Variants in RASAL2 observed in about 807,000 individuals in gnomAD.
RASAL2 encodes RAS protein activator like 2, also known as ras GTPase-activating protein nGAP.
Under a neutral mutation model 128.9 loss-of-function variants are expected in RASAL2, and 58 were observed. The observed-to-expected ratio is 0.45, with a 90% CI of 0.36 to 0.56. The LOEUF is 0.56. Ranked by LOEUF, RASAL2 falls within the 20% of genes least tolerant of loss-of-function variation. The pLI, the probability that RASAL2 is intolerant of heterozygous loss-of-function variation, is 0.00. For missense variants in RASAL2, 1,360 were observed against 1,601.6 expected (o/e 0.85, Z 2.57); for synonymous variants, 561 against 580.8 (o/e 0.97, Z 0.49).
chr1:178,402,149 C>T (rs1673667000), intron 4 of RASAL2, among the ~76,000 whole-genome samples: 2 of 152,174 alleles, frequency 1.3e-5, no homozygotes, highest in South Asian at 2.1e-4. Flanking sequence ...GGTGTGTTGG[C>T]TCACGCCTGT....
At chr1:178,309,913 G>GT (rs66468554) in intron 3 of RASAL2, among the ~76,000 whole-genome samples, 37,807 of 152,046 alleles carry the variant, frequency 0.25, 7,403 homozygotes, top group African/African-American at 0.55. Context: ...CAACAGGCAT[G>GT]TTGGGTGTGG....
intron 3 of RASAL2, among the ~76,000 whole-genome samples, chr1:178,367,746 A>G (rs1671478683): frequency 6.6e-6 from 1 of 152,260 alleles, no homozygotes; most frequent in Non-Finnish European, 1.5e-5. Context: ...GAAGGAAAGC[A>G]GTAATTTCTG....
intron 17 of RASAL2, among the ~76,000 whole-genome samples, chr1:178,472,149 A>C (rs574621892): frequency 6.6e-6 from 1 of 152,362 alleles, no homozygotes; most frequent in East Asian, 1.9e-4. Flanking sequence ...CCTAATCCTT[A>C]GGAGACTGAT....
chr1:178,455,333 T>G (rs1314140207), intron 12 of RASAL2, among the ~76,000 whole-genome samples: 1 of 152,232 alleles, frequency 6.6e-6, no homozygotes, highest in Non-Finnish European at 1.5e-5. Context: ...TTACAATAAT[T>G]ATTTATTGAT....
chr1:178,205,572 T>G (rs1663011074), intron 1 of RASAL2, among the ~76,000 whole-genome samples: 1 of 151,704 alleles, frequency 6.6e-6, no homozygotes, highest in Non-Finnish European at 1.5e-5. Flanking sequence ...CTGGCCAACA[T>G]GGTGAAACCC....
At chr1:178,289,109 T>C (rs527868480) in intron 2 of RASAL2, among the ~76,000 whole-genome samples, 1 of 152,202 alleles carries the variant, frequency 6.6e-6, no homozygotes, top group Non-Finnish European at 1.5e-5. Flanking sequence ...AGCCAGACTC[T>C]TACCCACATC....
At chr1:178,440,079 C>G (rs1457811293) in intron 6 of RASAL2, among the ~76,000 whole-genome samples, 1 of 151,866 alleles carries the variant, frequency 6.6e-6, no homozygotes, top group Non-Finnish European at 1.5e-5. Flanking sequence ...ACCCAGACCC[C>G]AGCACATTGC....
intron 2 of RASAL2, among the ~76,000 whole-genome samples, chr1:178,286,366 C>G (rs112308597): frequency 6.6e-6 from 1 of 152,182 alleles, no homozygotes; most frequent in African/African-American, 2.4e-5. Context: ...GTCTATTCTC[C>G]CCTGTTTTCC....
chr1:178,232,119 T>C (rs1468054779), intron 1 of RASAL2, among the ~76,000 whole-genome samples: 2 of 152,204 alleles, frequency 1.3e-5, no homozygotes, highest in African/African-American at 2.4e-5. Flanking sequence ...TTAAAACAAC[T>C]TGCAGAGTGA....
At chr1:178,143,229 G>T (rs1294478898) in intron 1 of RASAL2, among the ~76,000 whole-genome samples, 2 of 151,472 alleles carry the variant, frequency 1.3e-5, no homozygotes, top group African/African-American at 4.8e-5. Flanking sequence ...TAACATAGAT[G>T]TAATATATAT....
chr1:178,364,051 G>C (rs531943616), intron 3 of RASAL2, among the ~76,000 whole-genome samples: 169 of 150,986 alleles, frequency 1.1e-3, no homozygotes, highest in African/African-American at 4.0e-3. Flanking sequence ...AGCCGAGATC[G>C]CGCCACTGCA....
intron 12 of RASAL2, among the ~76,000 whole-genome samples, chr1:178,455,691 A>G (rs1486359680): frequency 1.3e-5 from 2 of 152,190 alleles, no homozygotes; most frequent in Non-Finnish European, 2.9e-5. Flanking sequence ...GTAGCCCAAC[A>G]TTATTGAGCA....
intron 3 of RASAL2, among the ~76,000 whole-genome samples, chr1:178,348,903 C>T (rs1018407855): frequency 6.6e-6 from 1 of 151,132 alleles, no homozygotes; most frequent in African/African-American, 2.4e-5. Context: ...GGGTTCATGC[C>T]ATTCTCCTGC....
chr1:178,386,277 T>A (rs1022397773), intron 3 of RASAL2, among the ~76,000 whole-genome samples: 24 of 152,218 alleles, frequency 1.6e-4, no homozygotes, highest in Non-Finnish European at 3.5e-4. Flanking sequence ...TTTAAAAGAT[T>A]CTTCCTTCCA....
intron 1 of RASAL2, among the ~76,000 whole-genome samples, chr1:178,160,495 C>T (rs901383534): frequency 1.3e-5 from 2 of 151,998 alleles, no homozygotes; most frequent in African/African-American, 2.4e-5. Context: ...ATTAGCGGGA[C>T]GTGGTGGCAG....
At chr1:178,141,928 G>A (rs898612130) in intron 1 of RASAL2, among the ~76,000 whole-genome samples, 5 of 152,086 alleles carry the variant, frequency 3.3e-5, no homozygotes, top group East Asian at 3.9e-4. Context: ...ACGATGGGGC[G>A]TCAATATTTC....
chr1:178,446,479 A>G (rs1677007169), intron 9 of RASAL2, among the ~76,000 whole-genome samples: 1 of 152,224 alleles, frequency 6.6e-6, no homozygotes, highest in African/African-American at 2.4e-5. Context: ...ATTTCATTTG[A>G]CCCAGTATAT....
At chr1:178,426,262 G>C (rs1675507393) in intron 5 of RASAL2, among the ~76,000 whole-genome samples, 1 of 152,106 alleles carries the variant, frequency 6.6e-6, no homozygotes, top group Non-Finnish European at 1.5e-5. Context: ...CCCATCAGCT[G>C]ATCAATAGAT....
chr1:178,187,179 G>A (rs1037587268), intron 1 of RASAL2, among the ~76,000 whole-genome samples: 1 of 151,726 alleles, frequency 6.6e-6, no homozygotes, highest in African/African-American at 2.4e-5. Context: ...TTTCACCAGG[G>A]ATTCCTTGAT....
Sources: gnomAD v4.1 joint callset for allele counts (sites outside exome capture counted in the v4.1 genomes callset) on GRCh38, gnomAD v4.1.1 for gene constraint, MANE v1.5 for transcripts, NCBI Gene and HGNC (gene_info 2026-07-23, HGNC 2026-07-21) for gene names.